PPFIA2: variants seen among roughly 807,000 people sequenced by gnomAD.
PPFIA2 encodes liprin-alpha-2.
In PPFIA2, 46 loss-of-function variants were observed where a neutral mutation model predicts 175.5. The ratio of observed to expected loss-of-function variants is 0.26; its 90% CI spans 0.21 to 0.34. PPFIA2 has a LOEUF of 0.34. Ranked by LOEUF, PPFIA2 falls within the 10% of genes least tolerant of loss-of-function variation. PPFIA2 has a pLI of 1.00. For missense variants in PPFIA2, 1,179 were observed against 1,506.1 expected (o/e 0.78, Z 3.60); for synonymous variants, 568 against 511.4 (o/e 1.11, Z -1.49).
At chr12:81,371,631 C>T (rs2035123973) in intron 11 of PPFIA2, among the ~76,000 whole-genome samples, 1 of 151,556 alleles carries the variant, frequency 6.6e-6, no homozygotes, top group Non-Finnish European at 1.5e-5. Flanking sequence ...AGAATTTGGT[C>T]CTGTTTAAAT....
chr12:81,626,409 G>T (rs547527617), intron 4 of PPFIA2, among the ~76,000 whole-genome samples: 29 of 151,998 alleles, frequency 1.9e-4, no homozygotes, highest in African/African-American at 7.0e-4. Context: ...AAATATAATT[G>T]CATGATATAT....
intron 3 of PPFIA2, among the ~76,000 whole-genome samples, chr12:81,691,877 G>A (rs2075284513): frequency 6.6e-6 from 1 of 152,046 alleles, no homozygotes; most frequent in African/African-American, 2.4e-5. Flanking sequence ...TCTTTAGAAT[G>A]TCTTTGGAAA....
intron 4 of PPFIA2, among the ~76,000 whole-genome samples, chr12:81,659,848 G>A (rs939385668): frequency 2.0e-5 from 3 of 152,124 alleles, no homozygotes; most frequent in African/African-American, 7.2e-5. Context: ...GTACCCCTCT[G>A]AGACAAAACT....
intron 4 of PPFIA2, among the ~76,000 whole-genome samples, chr12:81,628,499 C>G (rs1192506411): frequency 6.6e-6 from 1 of 151,248 alleles, no homozygotes; most frequent in Non-Finnish European, 1.5e-5. Context: ...GTCTCAGCCT[C>G]CTAAGTAGCT....
intron 4 of PPFIA2, among the ~76,000 whole-genome samples, chr12:81,497,420 C>G (rs1211622520): frequency 6.6e-6 from 1 of 151,090 alleles, no homozygotes; most frequent in Admixed American, 6.6e-5. Context: ...TTCTTATACA[C>G]TTTTGGTATA....
chr12:81,447,463 G>T lies in PPFIA2; in HGVS notation c.406-1743C>A, dbSNP rs539753897. Among the ~76,000 whole-genome samples, 86 of 152,150 alleles carry T rather than the reference G, an allele frequency of 5.7e-4. 3 individuals carry two copies. The South Asian group carries it at 0.017, about 30-fold the overall frequency. ...CCTCTGCCCAAAGCACTCCTTCTTT[G>T]GTTCCTCATTTAACCAGCTCTTTCT... On this transcript the variant is annotated intron_variant, in intron 5 of 32. Coordinates refer to ENST00000549396, the MANE Select transcript of PPFIA2 (RefSeq NM_003625.5).
At chr12:81,449,493 A>C (rs1191641160) in intron 5 of PPFIA2, among the ~76,000 whole-genome samples, 1 of 151,850 alleles carries the variant, frequency 6.6e-6, no homozygotes, top group East Asian at 1.9e-4. Context: ...TCAGACAAAA[A>C]AAAAAAAACA....
rs116032572 is a variant in PPFIA2 at position 81,387,157 on chromosome 12, C to A, written c.763-2913G>T. On this transcript the variant is annotated intron_variant, in intron 8 of 32. Coordinates refer to ENST00000549396, the MANE Select transcript of PPFIA2 (RefSeq NM_003625.5). ...ACACTTCTACAAGCAAACTTCAGCT[C>A]TTTCTCGGGGAAAAAAAAATACTTA... Among the ~76,000 whole-genome samples, 1,379 of 152,028 alleles carry A rather than the reference C, an allele frequency of 9.1e-3. 25 individuals carry two copies. Among genetic ancestry groups the A allele is most frequent in the African/African-American group, 0.031 (1,288 of 41,472 alleles).
At chr12:81,492,725 A>C (rs977102035) in intron 4 of PPFIA2, among the ~76,000 whole-genome samples, 10 of 152,090 alleles carry the variant, frequency 6.6e-5, no homozygotes, top group African/African-American at 2.4e-4. Flanking sequence ...GGCTATTATG[A>C]GAACTTGGCT....
chr12:81,517,803 G>T (rs2062644718), intron 4 of PPFIA2, among the ~76,000 whole-genome samples: 1 of 152,048 alleles, frequency 6.6e-6, no homozygotes, highest in African/African-American at 2.4e-5. Context: ...TCGACTTTAG[G>T]AATTCTTACT....
chr12:81,401,829 G>A (rs1418737483), intron 8 of PPFIA2, among the ~76,000 whole-genome samples: 1 of 152,082 alleles, frequency 6.6e-6, no homozygotes, highest in African/African-American at 2.4e-5. Flanking sequence ...GTTCTGAAAA[G>A]GTGGAATTTA....
intron 8 of PPFIA2, among the ~76,000 whole-genome samples, chr12:81,388,333 T>C (rs1181069210): frequency 1.3e-5 from 2 of 152,028 alleles, no homozygotes; most frequent in Admixed American, 6.6e-5. Context: ...ATTACTGATC[T>C]CTCCAATACA....
chr12:81,663,003 C>A (rs1304469017), intron 4 of PPFIA2, among the ~76,000 whole-genome samples: 1 of 152,114 alleles, frequency 6.6e-6, no homozygotes, highest in Non-Finnish European at 1.5e-5. Context: ...AATTCAACAG[C>A]CCTTCATGCT....
At chr12:81,499,562 C>A (rs1428831669) in intron 4 of PPFIA2, among the ~76,000 whole-genome samples, 1 of 152,118 alleles carries the variant, frequency 6.6e-6, no homozygotes, top group Non-Finnish European at 1.5e-5. Context: ...ACCAGGATAG[C>A]TTTGTACTGT....
At chr12:81,418,946 G>A (rs2045793677) in intron 7 of PPFIA2, among the ~76,000 whole-genome samples, 1 of 151,886 alleles carries the variant, frequency 6.6e-6, no homozygotes, top group Non-Finnish European at 1.5e-5. Context: ...AATGGAAACA[G>A]TTGAGAGAAC....
At chr12:81,374,613 C>G in intron 11 of PPFIA2, 21 bp downstream of exon 11, 13 of 1,585,450 alleles carry the variant, frequency 8.2e-6, no homozygotes, top group Non-Finnish European at 1.1e-5. Context: ...TCTAGGTTGA[C>G]CAGTTGTTCT....
chr12:81,297,495 A>G (rs1293814163), intron 23 of PPFIA2, among the ~76,000 whole-genome samples: 1 of 152,190 alleles, frequency 6.6e-6, no homozygotes, highest in Non-Finnish European at 1.5e-5. Flanking sequence ...ATCTAAGTAC[A>G]ATGTGTGACT....
chr12:81,550,273 C>T (rs542348346), intron 4 of PPFIA2, among the ~76,000 whole-genome samples: 5 of 151,850 alleles, frequency 3.3e-5, no homozygotes, highest in Non-Finnish European at 7.4e-5. Flanking sequence ...TCTAGGGGCT[C>T]ACAGATTCAC....
intron 7 of PPFIA2, among the ~76,000 whole-genome samples, chr12:81,439,193 A>C (rs928477101): frequency 2.7e-5 from 4 of 149,592 alleles, no homozygotes; most frequent in African/African-American, 9.8e-5. Flanking sequence ...CTCTATATAT[A>C]TATATAATTT....
Sources: allele counts gnomAD v4.1 joint callset (sites outside exome capture counted in the v4.1 genomes callset), GRCh38; gene constraint gnomAD v4.1.1; transcripts MANE v1.5; gene names NCBI Gene and HGNC (gene_info 2026-07-23, HGNC 2026-07-21).